KIF16B: variants seen among roughly 807,000 people sequenced by gnomAD.
KIF16B encodes kinesin-like protein KIF16B.
KIF16B carries 98 observed loss-of-function variants against 156.3 expected under a neutral mutation model. The observed-to-expected ratio is 0.63, with a 90% CI of 0.53 to 0.74. The LOEUF (loss-of-function observed/expected upper bound fraction) is 0.74, where lower values mean the gene tolerates loss of function less well. Ranked by LOEUF, KIF16B falls within the 30% of genes least tolerant of loss-of-function variation. KIF16B has a pLI of 0.00. For missense variants in KIF16B, 1,421 were observed against 1,606.5 expected, an observed-to-expected ratio of 0.88 and a Z score of 1.97; for synonymous variants, 564 against 583.7, an observed-to-expected ratio of 0.97 and a Z score of 0.49.
intron 24 of KIF16B, among the ~76,000 whole-genome samples, chr20:16,332,886 G>A (rs969648068): frequency 2.0e-5 from 3 of 151,954 alleles, no homozygotes; most frequent in Non-Finnish European, 4.4e-5. Context: ...TTCTAATTGG[G>A]TGTTTAAAAG....
intron 11 of KIF16B, 72 bp downstream of exon 11, chr20:16,497,541 T>C: frequency 8.3e-7 from 1 of 1,205,810 alleles, no homozygotes; most frequent in South Asian, 1.3e-5. Context: ...AAACGGCAAG[T>C]CCTAAAAAAG....
At chr20:16,409,681 C>A (rs2065871160) in intron 15 of KIF16B, among the ~76,000 whole-genome samples, 1 of 151,352 alleles carries the variant, frequency 6.6e-6, no homozygotes, top group South Asian at 2.1e-4. Context: ...GAGATAAAAT[C>A]AATATGATTT....
At chr20:16,413,497 T>C (rs1474042809) in intron 15 of KIF16B, among the ~76,000 whole-genome samples, 1 of 152,164 alleles carries the variant, frequency 6.6e-6, no homozygotes, top group African/African-American at 2.4e-5. Context: ...TCATTTTTTC[T>C]CCTACTGTTT....
chr20:16,503,004 C>T (rs2068669324), intron 10 of KIF16B, among the ~76,000 whole-genome samples: 2 of 152,158 alleles, frequency 1.3e-5, no homozygotes, highest in African/African-American at 4.8e-5. Flanking sequence ...CACTTGAGGT[C>T]AGGAGTTCCA....
intron 1 of KIF16B, among the ~76,000 whole-genome samples, chr20:16,530,584 C>T (rs370259138): frequency 1.3e-5 from 2 of 152,192 alleles, no homozygotes; most frequent in African/African-American, 4.8e-5. Flanking sequence ...ACTGGGAAGC[C>T]GTCTGGCACC....
intron 25 of KIF16B, among the ~76,000 whole-genome samples, chr20:16,281,791 T>A (rs1313547783): frequency 6.6e-6 from 1 of 152,024 alleles, no homozygotes; most frequent in Admixed American, 6.5e-5. Flanking sequence ...CCTCCTCCCC[T>A]CACAGGTGCA....
At chr20:16,398,280 C>G (rs11907528) in intron 17 of KIF16B, among the ~76,000 whole-genome samples, 8,541 of 152,144 alleles carry the variant, frequency 0.056, 812 homozygotes, top group African/African-American at 0.19. Context: ...GGATAAAGTT[C>G]CGAGTGGAGA....
At chr20:16,367,487 C>CT (rs1392065987) in intron 22 of KIF16B, 1 of 1,612,914 alleles carries the variant, frequency 6.2e-7, no homozygotes, top group Non-Finnish European at 8.5e-7. Flanking sequence ...AAAACACAGT[C>CT]TTCCTTCACC....
At chr20:16,396,257 G>A (rs147673538) in intron 17 of KIF16B, among the ~76,000 whole-genome samples, 98 of 152,196 alleles carry the variant, frequency 6.4e-4, no homozygotes, top group South Asian at 4.2e-3. Flanking sequence ...ATTATCTGAG[G>A]TGGAAGAGTT....
intron 25 of KIF16B, among the ~76,000 whole-genome samples, chr20:16,278,361 T>A (rs1353333710): frequency 6.6e-6 from 1 of 152,218 alleles, no homozygotes; most frequent in East Asian, 1.9e-4. Flanking sequence ...AATTTAAGAA[T>A]AATAAGAAAT....
intron 3 of KIF16B, among the ~76,000 whole-genome samples, chr20:16,517,291 A>G (rs538194950): frequency 6.6e-6 from 1 of 152,322 alleles, no homozygotes; most frequent in Admixed American, 6.5e-5. Context: ...TGCCAGTCTC[A>G]CTCATTCTGA....
chr20:16,480,384 C>A (rs1296899109), intron 12 of KIF16B, among the ~76,000 whole-genome samples: 3 of 152,098 alleles, frequency 2.0e-5, no homozygotes, highest in East Asian at 1.9e-4. Flanking sequence ...GATCAGCCTA[C>A]CCACTTGTGA....
At chr20:16,298,660 C>A (rs986122696) in intron 25 of KIF16B, among the ~76,000 whole-genome samples, 29 of 151,960 alleles carry the variant, frequency 1.9e-4, no homozygotes, top group African/African-American at 7.0e-4. Flanking sequence ...CAGCAAAGAC[C>A]CTAAAAGAAA....
chr20:16,436,310 G>A (rs906806376), intron 12 of KIF16B, among the ~76,000 whole-genome samples: 2 of 152,106 alleles, frequency 1.3e-5, no homozygotes, highest in Non-Finnish European at 2.9e-5. Context: ...CAGAGGGCTA[G>A]GAGGTCTCAC....
At chr20:16,537,516 TA>T (rs1274976230) in intron 1 of KIF16B, among the ~76,000 whole-genome samples, 1 of 151,898 alleles carries the variant, frequency 6.6e-6, no homozygotes, top group African/African-American at 2.4e-5. Flanking sequence ...AAATGGCTGT[TA>T]AATGTGATGA....
chr20:16,364,328 G>A (rs2064612443), intron 22 of KIF16B, among the ~76,000 whole-genome samples: 1 of 152,192 alleles, frequency 6.6e-6, no homozygotes, highest in Non-Finnish European at 1.5e-5. Flanking sequence ...CTATTGTCTA[G>A]AATGTATTAA....
chr20:16,452,869 A>G (rs1294033041), intron 12 of KIF16B, among the ~76,000 whole-genome samples: 1 of 151,934 alleles, frequency 6.6e-6, no homozygotes, highest in Non-Finnish European at 1.5e-5. Context: ...GAAAATGCAC[A>G]GAACTCAGGA....
chr20:16,329,527 G>A (rs1276810631), intron 24 of KIF16B, among the ~76,000 whole-genome samples: 1 of 152,174 alleles, frequency 6.6e-6, no homozygotes, highest in Non-Finnish European at 1.5e-5. Context: ...GGAAGATGCT[G>A]CATAATACTT....
At chr20:16,547,941 C>T (rs557180125) in intron 1 of KIF16B, among the ~76,000 whole-genome samples, 182 of 151,992 alleles carry the variant, frequency 1.2e-3, no homozygotes, top group Admixed American at 1.8e-3. Context: ...CCAGGCTGCA[C>T]CCCAAACCAA....
Sources: gnomAD v4.1 joint callset for allele counts (sites outside exome capture counted in the v4.1 genomes callset) on GRCh38, gnomAD v4.1.1 for gene constraint, MANE v1.5 for transcripts, NCBI Gene and HGNC (gene_info 2026-07-23, HGNC 2026-07-21) for gene names.